INPP5B: variants seen among roughly 807,000 people sequenced by gnomAD.
The protein encoded by INPP5B is type II inositol 1,4,5-trisphosphate 5-phosphatase.
In INPP5B, 90 loss-of-function variants were observed where a neutral mutation model predicts 118.5. The observed-to-expected ratio is 0.76, with a 90% CI of 0.64 to 0.90. The LOEUF is 0.90. Among genes scored for constraint, INPP5B ranks in the 40% least tolerant of loss-of-function variants. The pLI is 0.00. For synonymous variants in INPP5B, 385 were observed against 418.9 expected, an observed-to-expected ratio of 0.92 and a Z score of 0.99; for missense variants, 984 against 1,125.6, an observed-to-expected ratio of 0.87 and a Z score of 1.80.
chr1:37,921,584 C>A (rs567804462), intron 7 of INPP5B, among the ~76,000 whole-genome samples: 1 of 152,238 alleles, frequency 6.6e-6, no homozygotes, highest in African/African-American at 2.4e-5. Context: ...CAGTGCCTCA[C>A]GCCTATTATC....
At chr1:37,878,755 T>G (rs1456152730) in intron 15 of INPP5B, among the ~76,000 whole-genome samples, 1 of 151,802 alleles carries the variant, frequency 6.6e-6, no homozygotes, top group African/African-American at 2.4e-5. Flanking sequence ...GTTCAAGCAA[T>G]TCTCCTACCT....
At chr1:37,868,722 CT>C (rs1642207150) in intron 19 of INPP5B, 108 bp from the exon 20 acceptor site, 1 of 715,980 alleles carries the variant, frequency 1.4e-6, no homozygotes, top group African/African-American at 1.7e-5. Context: ...TCCACTGCCC[CT>C]AACCACGCAT....
chr1:37,904,274 G>A (rs953958519), intron 7 of INPP5B, among the ~76,000 whole-genome samples: 2 of 151,868 alleles, frequency 1.3e-5, no homozygotes, highest in African/African-American at 4.8e-5. Context: ...GCAGTGAGCC[G>A]AGATCGCACC....
At chr1:37,891,487 T>G (rs749342191) in intron 7 of INPP5B, 33 bp from the exon 8 acceptor site, 2 of 1,466,408 alleles carry the variant, frequency 1.4e-6, no homozygotes, top group Admixed American at 3.4e-5. Context: ...AAAATATACA[T>G]ACATAGGCTG....
chr1:37,866,912 A>G (rs1244289610), intron 20 of INPP5B, among the ~76,000 whole-genome samples: 1 of 152,246 alleles, frequency 6.6e-6, no homozygotes, highest in East Asian at 1.9e-4. Context: ...GAACGCTAAC[A>G]AGGCACCTCA....
intron 14 of INPP5B, 136 bp from the exon 15 acceptor site, chr1:37,880,330 G>A (rs1420059095): frequency 1.6e-6 from 1 of 609,136 alleles, no homozygotes; most frequent in East Asian, 2.8e-5. Context: ...TATTCTGTAA[G>A]ATCTTAAGTT....
In INPP5B at chr1:37,866,443, A is replaced by AC; in HGVS notation, c.2386+15_2386+16insG. 1 of 1,091,202 alleles carries AC rather than the reference A, an allele frequency of 9.2e-7. No individual in the cohort carries two copies. Among genetic ancestry groups the AC allele is most frequent in the African/African-American group, 1.7e-5 (1 of 57,310 alleles). The allele number at this position is 1,091,202 out of a possible 1,614,324, so 67.6% of individuals were successfully genotyped here. ...ACACACACACACACACACAGAGCTG[A>AC]ATGTCTGAAGGATACAGAGGTTATC... On this transcript the variant is annotated intron_variant, in intron 21 of 23. Transcript: ENST00000373024.
intron 16 of INPP5B, among the ~76,000 whole-genome samples, chr1:37,876,411 A>G (rs1454162201): frequency 6.6e-6 from 1 of 151,666 alleles, no homozygotes; most frequent in Non-Finnish European, 1.5e-5. Context: ...GATAATAAAG[A>G]GCCACCACAG....
intron 7 of INPP5B, among the ~76,000 whole-genome samples, chr1:37,905,506 A>C (rs1344068489): frequency 6.6e-6 from 1 of 152,254 alleles, no homozygotes; most frequent in Non-Finnish European, 1.5e-5. Context: ...GTTACTAATA[A>C]TTACAATTGT....
intron 7 of INPP5B, among the ~76,000 whole-genome samples, chr1:37,909,118 T>C (rs938888891): frequency 6.6e-6 from 1 of 152,188 alleles, no homozygotes; most frequent in Non-Finnish European, 1.5e-5. Context: ...ATTCTTGTCA[T>C]AAAATGGGCA....
In INPP5B at chr1:37,924,764, T is replaced by C. The variant is rs796451457; in HGVS notation, c.532+7149A>G. Among the ~76,000 whole-genome samples the C allele has an allele frequency of 9.2e-5, 14 of 151,814 alleles. No individual in the cohort carries two copies. The East Asian group carries it at 2.2e-3, about 23-fold the overall frequency. On this transcript the variant is annotated intron_variant, in intron 7 of 23. Transcript: ENST00000373024. ...TCTAAAAACAAAAAGAGGCTGCGCA[T>C]GGTGGCTCACACCTGTAATGCCAGC... is the stretch of plus-strand genomic sequence containing the variant.
At position 37,917,266 on chromosome 1, in the gene INPP5B, G is replaced by C. The variant is rs1255003869; in HGVS notation, c.532+14647C>G. Among the ~76,000 whole-genome samples, 4 of 136,848 alleles carry C rather than the reference G, an allele frequency of 2.9e-5. No individual in the cohort carries two copies. The Admixed American group carries it at 3.1e-4, about 11-fold the overall frequency. 89.8% of individuals were successfully genotyped at this position (136,848 alleles called of 152,430 possible). ...ATTGTGCCACTGCACTCCTGCCTGGGTGACAAAGCAAGACTCCGTCTCGGG... is the reference window on the plus strand; with the variant it reads ...ATTGTGCCACTGCACTCCTGCCTGGCTGACAAAGCAAGACTCCGTCTCGGG... On this transcript the variant is annotated intron_variant, in intron 7 of 23. Coordinates refer to ENST00000373024, the MANE Select transcript of INPP5B (RefSeq NM_005540.3).
chr1:37,925,555 A>T (rs1645197194), intron 7 of INPP5B, among the ~76,000 whole-genome samples: 1 of 152,210 alleles, frequency 6.6e-6, no homozygotes, highest in Non-Finnish European at 1.5e-5. Context: ...TATTTTAAGT[A>T]GCAAAGAAAA....
At chr1:37,872,860 T>C (rs957383574) in intron 19 of INPP5B, 70 bp downstream of exon 19, 1 of 1,160,020 alleles carries the variant, frequency 8.6e-7, no homozygotes, top group Non-Finnish European at 1.3e-6. Flanking sequence ...AAGGTAGGCA[T>C]AGGAATATCT....
chr1:37,862,244 G>T lies in INPP5B; in HGVS notation c.*71C>A. ...AAGTGGCCTCACATAATTATCTTAA[G>T]GCATCTCTTGAGCTGAAACAGGTGG... On this transcript the variant is annotated 3_prime_UTR_variant, in exon 24 of 24. Transcript: ENST00000373024. 1 of 977,402 alleles carries T rather than the reference G, an allele frequency of 1.0e-6. No individual in the cohort carries two copies. The highest frequency in any genetic ancestry group is 1.6e-6 in the Non-Finnish European group (1 of 609,074). The allele number at this position is 977,402 out of a possible 1,614,324, so 60.5% of individuals were successfully genotyped here.
At position 37,880,170 on chromosome 1, in the gene INPP5B, T is replaced by A. The variant is rs1295065101; in HGVS notation, c.1456A>T (p.Thr486Ser). ...CCCTCTGTGAAGCCTTCAAAGACAG[T>A]CTTTGCGGCCACCTGAATTTTCAGC... ...DQLKIQVAAKTVFEGFTEGEL... is the reference protein window; with the variant it reads ...DQLKIQVAAKSVFEGFTEGEL... Residue 486 changes from threonine to serine, a missense_variant, in exon 15 of 24, where the codon ACT (threonine) becomes TCT (serine). By Grantham distance (58) the Thr-to-Ser change is moderately conservative (BLOSUM62 1). Around this residue, in one of 2 missense-constraint regions of INPP5B, gnomAD observed 634 missense variants for 791.0 expected, o/e 0.80. Coordinates refer to ENST00000373024, the MANE Select transcript of INPP5B (RefSeq NM_005540.3). 1 of 1,606,190 alleles carries A rather than the reference T, an allele frequency of 6.2e-7. No homozygotes were observed. The highest frequency in any genetic ancestry group is 1.3e-5 in the African/African-American group (1 of 74,732).
At chr1:37,945,689 C>T (rs772812200) in intron 3 of INPP5B, 67 bp downstream of exon 3, 149 of 1,111,592 alleles carry the variant, frequency 1.3e-4, no homozygotes, top group Non-Finnish European at 1.8e-4. Context: ...AGTTGAAGTT[C>T]AGCTGGAGGG....
chr1:37,864,053 G>A (rs954121320), intron 23 of INPP5B, among the ~76,000 whole-genome samples: 3 of 151,930 alleles, frequency 2.0e-5, no homozygotes, highest in Non-Finnish European at 2.9e-5. Context: ...GACCTCAGGT[G>A]ATCCGTCCAC....
At chr1:37,939,819 T>C (rs913119412) in intron 6 of INPP5B, among the ~76,000 whole-genome samples, 1 of 152,164 alleles carries the variant, frequency 6.6e-6, no homozygotes, top group Non-Finnish European at 1.5e-5. Flanking sequence ...CATAGCTCAA[T>C]GTAGCCTTGA....
Sources: allele counts gnomAD v4.1 joint callset (sites outside exome capture counted in the v4.1 genomes callset), GRCh38; gene constraint gnomAD v4.1.1; regional missense constraint gnomAD v4.1.1; transcripts MANE v1.5; gene names NCBI Gene and HGNC (gene_info 2026-07-23, HGNC 2026-07-21).